RFPL3: variants seen among roughly 807,000 people sequenced by gnomAD.
RFPL3 encodes the protein ret finger protein like 3.
RFPL3 carries 8 observed loss-of-function variants against 8.7 expected under a neutral mutation model. The observed-to-expected ratio is 0.92, with a 90% CI of 0.54 to 1.66. The LOEUF (loss-of-function observed/expected upper bound fraction) is 1.66. Among genes scored for constraint, RFPL3 ranks in the 40% most tolerant of loss-of-function variants. The pLI is 0.00. For synonymous variants in RFPL3, 145 were observed against 150.5 expected, an observed-to-expected ratio of 0.96 and a Z score of 0.27; for missense variants, 341 against 395.0, an observed-to-expected ratio of 0.86 and a Z score of 1.16.
At chr22:32,357,695 G>A (rs572919722), upstream of RFPL3, among the ~76,000 whole-genome samples, 4 of 152,322 alleles carry the variant, frequency 2.6e-5, no homozygotes, top group African/African-American at 9.6e-5. Flanking sequence ...AACTTTTGAT[G>A]ACCTCAGATG....
chr22:32,359,288 G>C (rs1932754628), intron 1 of RFPL3, among the ~76,000 whole-genome samples: 1 of 152,096 alleles, frequency 6.6e-6, no homozygotes, highest in Admixed American at 6.5e-5. Flanking sequence ...CCTTGTCCAT[G>C]TCCATTCCCT....
upstream of RFPL3, among the ~76,000 whole-genome samples, chr22:32,355,887 G>A (rs922566643): frequency 6.6e-6 from 1 of 151,970 alleles, no homozygotes; most frequent in Non-Finnish European, 1.5e-5. Flanking sequence ...TAGAAATAAG[G>A]GAACACCTAT....
Position 32,360,484 on chromosome 22 carries a change from C to T in RFPL3, c.606C>T (p.His202=). ...TGGGAGTCTGCAGAGAATCTGTTCA[C>T]TGCAAAGGGAAGATCCAGCTGACCA... ...WDLGVCRESV[H]CKGKIQLTTE... The change falls in exon 2 of 2, where the codon CAC becomes CAT. Residue 202 remains histidine, a synonymous_variant. Transcript: ENST00000249007. The T allele has an allele frequency of 6.2e-7, 1 of 1,613,948 alleles. No homozygotes were observed. Among genetic ancestry groups the T allele is most frequent in the Non-Finnish European group, 8.5e-7 (1 of 1,179,866 alleles).
chr22:32,355,044 G>A (rs949915789), upstream of RFPL3: 5 of 152,058 alleles, frequency 3.3e-5, no homozygotes, highest in Non-Finnish European at 7.3e-5. Flanking sequence ...ACAAGCTGAC[G>A]CAGGAGAGCT....
At chr22:32,355,090 A>G (rs1014690023), upstream of RFPL3, among the ~76,000 whole-genome samples, 4 of 143,612 alleles carry the variant, frequency 2.8e-5, no homozygotes, top group African/African-American at 1.0e-4. Context: ...GGCATCATTT[A>G]TATATGAGAA....
Position 32,357,886 on chromosome 22 carries a change from C to G in RFPL3, c.-186C>G. On this transcript the variant is annotated 5_prime_UTR_variant, in exon 1 of 2. Transcript: ENST00000249007. The stretch of plus-strand genomic sequence containing the variant: ...GGTGCTGCCACGTCACTGGCTCAGG[C>G]TCAGCTGCTGGGTCACCAGGAGAAT... The G allele has an allele frequency of 6.9e-7, 1 of 1,456,174 alleles. No homozygotes were observed. Among genetic ancestry groups the G allele is most frequent in the Non-Finnish European group, 9.0e-7 (1 of 1,105,022 alleles). 90.2% of individuals were successfully genotyped at this position (1,456,174 alleles called of 1,614,324 possible).
chr22:32,358,450 G>C lies in RFPL3; in HGVS notation c.373+6G>C, dbSNP rs750109995. The C allele has an allele frequency of 1.9e-6, 3 of 1,610,722 alleles. No individual in the cohort carries two copies. The highest frequency in any genetic ancestry group is 1.3e-5 in the African/African-American group (1 of 74,900). On this transcript the variant is annotated splice_donor_region_variant and intron_variant, in intron 1 of 1. Coordinates refer to ENST00000249007, the MANE Select transcript of RFPL3 (RefSeq NM_001098535.1). ...AAGGATGCGGAAGTTCCAAGGTAAGGAATCTGTATACCCTGCCCCCTTCCC... is the reference window on the plus strand; with the variant it reads ...AAGGATGCGGAAGTTCCAAGGTAAGCAATCTGTATACCCTGCCCCCTTCCC...
upstream of RFPL3, among the ~76,000 whole-genome samples, chr22:32,356,263 T>C (rs372727009): frequency 3.3e-5 from 5 of 152,004 alleles, no homozygotes; most frequent in East Asian, 7.8e-4. Context: ...GTCTTAAGGC[T>C]CAGCTAGGGA....
Position 32,360,752 on chromosome 22 carries a change from G to A in RFPL3, c.874G>A (p.Asp292Asn). ...GGCTCCTTCAATTCCACCTAATGGTGATCAAGGTGTCTTGAGCATCTGTCC... is the reference window on the plus strand; with the variant it reads ...GGCTCCTTCAATTCCACCTAATGGTAATCAAGGTGTCTTGAGCATCTGTCC... ...FLAPSIPPNG[D>N]QGVLSICPLM... The change falls in exon 2 of 2, where the codon GAT (aspartate) becomes AAT (asparagine). Residue 292 changes from aspartate to asparagine, a missense_variant. Transcript: ENST00000249007. 6.2e-7 allele frequency: 1 copy of A among 1,613,264 alleles called. No individual in the cohort carries two copies. Among genetic ancestry groups the A allele is most frequent in the Non-Finnish European group, 8.5e-7 (1 of 1,179,624 alleles).
At position 32,360,366 on chromosome 22, in the gene RFPL3, T is replaced by A; in HGVS notation, c.488T>A (p.Phe163Tyr). 6.2e-7 allele frequency: 1 copy of A among 1,613,944 alleles called. No homozygotes were observed. Among genetic ancestry groups the A allele is most frequent in the Non-Finnish European group, 8.5e-7 (1 of 1,179,872 alleles). ...AATCGGCAAGACCTTGCCGAGAGAT[T>A]TGACGTGTCCGTTTGCATCCTGGGC... ...TQNRQDLAER[F>Y]DVSVCILGSP... Residue 163 changes from phenylalanine (F) to tyrosine (Y), a missense_variant, in exon 2 of 2, where the codon TTT becomes TAT. Phe to Tyr is a conservative substitution (Grantham distance 22, BLOSUM62 3). Coordinates refer to ENST00000249007, the MANE Select transcript of RFPL3 (RefSeq NM_001098535.1).
chr22:32,357,184 C>T (rs553073158), upstream of RFPL3, among the ~76,000 whole-genome samples: 1 of 152,324 alleles, frequency 6.6e-6, no homozygotes, highest in South Asian at 2.1e-4. Flanking sequence ...CCGAGCCTGT[C>T]CCCTGCCCAC....
chr22:32,358,786 T>A (rs1187362275), intron 1 of RFPL3, among the ~76,000 whole-genome samples: 1 of 152,202 alleles, frequency 6.6e-6, no homozygotes, highest in African/African-American at 2.4e-5. Context: ...AGCAAAAACA[T>A]AGAGCAACTG....
At chr22:32,355,204 A>G (rs1932624306), upstream of RFPL3, among the ~76,000 whole-genome samples, 1 of 152,118 alleles carries the variant, frequency 6.6e-6, no homozygotes, top group South Asian at 2.1e-4. Context: ...TGGTTGTCCT[A>G]AGACTTGCTC....
Position 32,360,266 on chromosome 22 carries a change from G to A in RFPL3, c.388G>A (p.Asp130Asn). ...MRKFQVDMTL[D>N]ADTANNFLLI... ...CCTTTTCACAGTGGATATGACCTTGGATGCCGACACAGCCAACAACTTCCT... is the reference window on the plus strand; with the variant it reads ...CCTTTTCACAGTGGATATGACCTTGAATGCCGACACAGCCAACAACTTCCT... The change falls in exon 2 of 2, where the codon GAT (aspartate) becomes AAT (asparagine). Residue 130 changes from aspartate to asparagine, a missense_variant. Physicochemically the swap from Asp to Asn is conservative, Grantham distance 23. Coordinates refer to ENST00000249007, the MANE Select transcript of RFPL3 (RefSeq NM_001098535.1). The A allele has an allele frequency of 6.2e-7, 1 of 1,613,210 alleles. No homozygotes were observed. Among genetic ancestry groups the A allele is most frequent in the East Asian group, 2.2e-5 (1 of 44,866 alleles).
upstream of RFPL3, among the ~76,000 whole-genome samples, chr22:32,355,781 CAAAA>C (rs5844988): frequency 2.1e-3 from 212 of 99,950 alleles, no homozygotes; most frequent in African/African-American, 4.8e-3. Flanking sequence ...GACTTTGTCT[CAAAA>C]AAAAAAAAAA....
upstream of RFPL3, among the ~76,000 whole-genome samples, chr22:32,355,050 G>A (rs559034874): frequency 4.6e-5 from 7 of 152,108 alleles, no homozygotes; most frequent in South Asian, 6.2e-4. Context: ...TGACGCAGGA[G>A]AGCTTGGAAT....
Position 32,358,414 on chromosome 22 carries a change from C to T in RFPL3, c.343C>T (p.Gln115Ter). 1 of 1,614,086 alleles carries T rather than the reference C, an allele frequency of 6.2e-7. No homozygotes were observed. Residue 115 changes from glutamine (Q) to a stop codon, truncating the protein, a stop_gained, in exon 1 of 2, where the codon CAG becomes TAG. Coordinates refer to ENST00000249007, the MANE Select transcript of RFPL3 (RefSeq NM_001098535.1). LOFTEE classifies it low-confidence loss of function (END_TRUNC). ...ELEPKLKKIL[Q>*]MNPRMRKFQV... ...GGAGCCCAAGCTGAAGAAGATTCTA[C>T]AGATGAACCCAAGGATGCGGAAGTT...
intron 1 of RFPL3, 26 bp downstream of exon 1, chr22:32,358,470 C>G: frequency 6.9e-6 from 11 of 1,591,742 alleles, no homozygotes; most frequent in Non-Finnish European, 8.6e-6. Context: ...ACCCTGCCCC[C>G]TTCCCAAGAC....
upstream of RFPL3, among the ~76,000 whole-genome samples, chr22:32,355,769 G>T (rs1474340348): frequency 7.9e-6 from 1 of 126,368 alleles, no homozygotes; most frequent in Non-Finnish European, 1.6e-5. Context: ...GTGACACAGC[G>T]AGACTTTGTC....
Sources: gnomAD v4.1 joint callset for allele counts (sites outside exome capture counted in the v4.1 genomes callset) on GRCh38, gnomAD v4.1.1 for gene constraint, MANE v1.5 for transcripts, NCBI Gene and HGNC (gene_info 2026-07-23, HGNC 2026-07-21) for gene names.